The following TANC1 variants were observed in gnomAD, a reference collection of about 807,000 sequenced individuals.
The protein encoded by TANC1 is protein TANC1.
Under a neutral mutation model 149.7 loss-of-function variants are expected in TANC1, and 77 were observed. The ratio of observed to expected loss-of-function variants is 0.51; its 90% CI spans 0.43 to 0.62. TANC1 has a LOEUF of 0.62. TANC1 is among the 20% of genes least tolerant of loss of function. The probability of loss-of-function intolerance (pLI) is 0.00; values close to 1 mark genes in which losing one functional copy is unlikely to be tolerated. For synonymous variants in TANC1, 854 were observed against 925.0 expected, an observed-to-expected ratio of 0.92 and a Z score of 1.39; for missense variants, 1,985 against 2,321.8, an observed-to-expected ratio of 0.85 and a Z score of 2.98.
chr2:159,154,740 T>TTAAAA (rs1477797535), intron 7 of TANC1, among the ~76,000 whole-genome samples: 23 of 152,250 alleles, frequency 1.5e-4, no homozygotes, highest in Non-Finnish European at 2.8e-4. Context: ...TTTTATTTTT[T>TTAAAA]TAAGTGAACT....
chr2:159,018,676 C>G (rs2038515570), intron 2 of TANC1, among the ~76,000 whole-genome samples: 1 of 152,186 alleles, frequency 6.6e-6, no homozygotes, highest in African/African-American at 2.4e-5. Flanking sequence ...CCCCTCTAAC[C>G]TCTATTCTAC....
chr2:159,015,606 T>C (rs1043011532), intron 2 of TANC1, among the ~76,000 whole-genome samples: 1 of 152,212 alleles, frequency 6.6e-6, no homozygotes, highest in African/African-American at 2.4e-5. Context: ...TTTTCTGAAC[T>C]TAGATGCTCT....
At chr2:159,030,414 T>C (rs891406061) in intron 2 of TANC1, among the ~76,000 whole-genome samples, 1 of 152,190 alleles carries the variant, frequency 6.6e-6, no homozygotes, top group Non-Finnish European at 1.5e-5. Flanking sequence ...TAAAGTATAT[T>C]GATAAAAATG....
intron 4 of TANC1, among the ~76,000 whole-genome samples, chr2:159,135,458 C>G (rs1330350338): frequency 6.6e-6 from 1 of 152,260 alleles, no homozygotes; most frequent in Non-Finnish European, 1.5e-5. Context: ...TGCACTTAAC[C>G]TTTTGAACGA....
chr2:158,975,525 A>G (rs2033547700), intron 1 of TANC1, among the ~76,000 whole-genome samples: 1 of 152,072 alleles, frequency 6.6e-6, no homozygotes, highest in South Asian at 2.1e-4. Context: ...AGCACAAGAG[A>G]ACAAGTAGCA....
intron 17 of TANC1, among the ~76,000 whole-genome samples, chr2:159,194,932 G>C (rs1442104281): frequency 6.6e-6 from 1 of 152,152 alleles, no homozygotes; most frequent in Non-Finnish European, 1.5e-5. Context: ...CCAGGAACTA[G>C]ATTGCCTGGA....
intron 1 of TANC1, among the ~76,000 whole-genome samples, chr2:158,973,712 A>G (rs1268959430): frequency 6.6e-6 from 1 of 152,212 alleles, no homozygotes; most frequent in Non-Finnish European, 1.5e-5. Context: ...CAAAAGAGCT[A>G]GCCAGGGCAG....
Position 159,224,239 on chromosome 2 carries a change from A to G in TANC1, c.3686A>G (p.Tyr1229Cys). 1 of 1,614,096 alleles carries G rather than the reference A, an allele frequency of 6.2e-7. No individual in the cohort carries two copies. The highest frequency in any genetic ancestry group is 2.2e-5 in the East Asian group (1 of 44,888). The change falls in exon 23 of 27, where the codon TAC (tyrosine) becomes TGC (cysteine). Residue 1229 changes from tyrosine (Y) to cysteine (C), a missense_variant. Around this residue, in one of 3 missense-constraint regions of TANC1, gnomAD observed 920 missense variants for 994.7 expected, o/e 0.92. Transcript: ENST00000263635. ...CTTCTGCTGTCTCTGCAGGTGCTGTACCTGGTGGAGAAGGGAGCCGTGATC... is the reference window on the plus strand; with the variant it reads ...CTTCTGCTGTCTCTGCAGGTGCTGTGCCTGGTGGAGAAGGGAGCCGTGATC... The part of the protein sequence containing the change: ...AFYGDAETVL[Y>C]LVEKGAVIEH...
chr2:159,183,397 C>T (rs1484137879), intron 14 of TANC1, among the ~76,000 whole-genome samples: 3 of 152,146 alleles, frequency 2.0e-5, no homozygotes, highest in Non-Finnish European at 4.4e-5. Context: ...TCTAGCATCA[C>T]TGATGGAGAG....
chr2:159,199,016 A>T lies in TANC1; in HGVS notation c.3207A>T (p.Val1069=), dbSNP rs768076322. 1 of 1,614,132 alleles carries T rather than the reference A, an allele frequency of 6.2e-7. No homozygotes were observed. The highest frequency in any genetic ancestry group is 1.7e-5 in the Admixed American group (1 of 60,030). Residue 1069 remains valine (V), a synonymous_variant, in exon 19 of 27, where the codon GTA becomes GTT. Transcript: ENST00000263635. ...TGGGGATGGAGAAGGAACATGAAGT[A>T]GAAGTCAATGGCACCGACACATTGT... ...CLLGMEKEHE[V]EVNGTDTLWG... is the part of the protein sequence containing the mutation.
At chr2:159,127,593 C>T (rs1025918471) in intron 4 of TANC1, among the ~76,000 whole-genome samples, 2 of 152,198 alleles carry the variant, frequency 1.3e-5, no homozygotes, top group African/African-American at 2.4e-5. Context: ...AAGTGTAGTA[C>T]ATATACACCA....
intron 1 of TANC1, among the ~76,000 whole-genome samples, chr2:158,983,349 C>A (rs2034598769): frequency 6.6e-6 from 1 of 151,640 alleles, no homozygotes; most frequent in African/African-American, 2.4e-5. Flanking sequence ...TGCCTGTAGT[C>A]CCAGCTACTC....
intron 2 of TANC1, among the ~76,000 whole-genome samples, chr2:159,014,029 G>A (rs779787848): frequency 6.6e-6 from 1 of 152,088 alleles, no homozygotes; most frequent in Admixed American, 6.6e-5. Flanking sequence ...AATTGGATTA[G>A]GGCCCACCCT....
intron 1 of TANC1, among the ~76,000 whole-genome samples, chr2:158,989,245 A>G (rs2035353145): frequency 6.6e-6 from 1 of 152,122 alleles, no homozygotes; most frequent in Non-Finnish European, 1.5e-5. Context: ...AAGGTCGCTC[A>G]TGCCTATAAT....
chr2:159,062,090 T>C (rs1020803887), intron 2 of TANC1, among the ~76,000 whole-genome samples: 2 of 151,998 alleles, frequency 1.3e-5, no homozygotes, highest in African/African-American at 2.4e-5. Flanking sequence ...ATACAAAAAT[T>C]AGCTGGGTGT....
intron 4 of TANC1, among the ~76,000 whole-genome samples, chr2:159,124,735 C>A (rs923258442): frequency 6.6e-6 from 1 of 151,728 alleles, no homozygotes; most frequent in Non-Finnish European, 1.5e-5. Flanking sequence ...CTAAGGAAAT[C>A]AGCTGCATTT....
At chr2:158,995,714 C>G (rs1471663180) in intron 1 of TANC1, among the ~76,000 whole-genome samples, 1 of 152,134 alleles carries the variant, frequency 6.6e-6, no homozygotes, top group Non-Finnish European at 1.5e-5. Flanking sequence ...TTCTTTAAAC[C>G]CTACATTTCT....
chr2:159,075,544 C>T (rs2043585170), intron 3 of TANC1, among the ~76,000 whole-genome samples: 1 of 152,024 alleles, frequency 6.6e-6, no homozygotes, highest in African/African-American at 2.4e-5. Flanking sequence ...CCATCACACT[C>T]CAGCCCAAGT....
At chr2:159,048,242 A>T (rs2041216762) in intron 2 of TANC1, among the ~76,000 whole-genome samples, 2 of 152,144 alleles carry the variant, frequency 1.3e-5, no homozygotes, top group African/African-American at 4.8e-5. Flanking sequence ...TCTGGCAAGT[A>T]GATTGGCTTT....
Sources: gnomAD v4.1 joint callset for allele counts (sites outside exome capture counted in the v4.1 genomes callset) on GRCh38, gnomAD v4.1.1 for gene constraint, gnomAD v4.1.1 regional missense constraint, MANE v1.5 for transcripts, NCBI Gene and HGNC (gene_info 2026-07-23, HGNC 2026-07-21) for gene names.